The following NXPE2 variants were observed in gnomAD, a reference collection of about 807,000 sequenced individuals.
NXPE2 encodes the protein NXPE family member 2.
Under a neutral mutation model 34.4 loss-of-function variants are expected in NXPE2, and 34 were observed. The observed-to-expected ratio is 0.99, with a 90% CI of 0.75 to 1.31. The LOEUF (loss-of-function observed/expected upper bound fraction) is 1.31, where lower values mean the gene tolerates loss of function less well. Ranked by LOEUF, NXPE2 falls within the 40% of genes most tolerant of loss-of-function variation. NXPE2 has a pLI of 0.00. For missense variants in NXPE2, 649 were observed against 672.5 expected, an observed-to-expected ratio of 0.97 and a Z score of 0.39; for synonymous variants, 235 against 231.3, an observed-to-expected ratio of 1.02 and a Z score of -0.15.
the NXPE2 span, among the ~76,000 whole-genome samples, chr11:114,586,095 A>G: frequency 6.6e-6 from 1 of 152,160 alleles, no homozygotes; most frequent in Non-Finnish European, 1.5e-5. Flanking sequence ...GGGGTGACCA[A>G]TCTTTTTTGC....
the NXPE2 span, among the ~76,000 whole-genome samples, chr11:114,466,149 C>G: frequency 3.9e-5 from 6 of 152,056 alleles, no homozygotes; most frequent in African/African-American, 1.4e-4. Context: ...ATTTTTCTGA[C>G]AGTTATTGAA....
the NXPE2 span, among the ~76,000 whole-genome samples, chr11:114,793,499 AC>A: frequency 6.6e-6 from 1 of 152,074 alleles, no homozygotes; most frequent in South Asian, 2.1e-4. Flanking sequence ...ATGATAGAAA[AC>A]CCAGCGAGAG....
chr11:114,806,454 A>T, the NXPE2 span, among the ~76,000 whole-genome samples: 2 of 145,736 alleles, frequency 1.4e-5, no homozygotes, highest in Non-Finnish European at 3.0e-5. Context: ...TGAAAAAAAA[A>T]TTAGACAAAT....
At chr11:114,573,925 C>A in the NXPE2 span, among the ~76,000 whole-genome samples, 1 of 152,050 alleles carries the variant, frequency 6.6e-6, no homozygotes, top group East Asian at 1.9e-4. Context: ...TTTATCAGCA[C>A]ATGGAACATT....
the NXPE2 span, among the ~76,000 whole-genome samples, chr11:114,630,812 C>T: frequency 6.6e-6 from 1 of 151,702 alleles, no homozygotes; most frequent in Non-Finnish European, 1.5e-5. Context: ...ACAATGAACT[C>T]AAACAAATTT....
chr11:114,585,103 A>G, the NXPE2 span, among the ~76,000 whole-genome samples: 1 of 151,904 alleles, frequency 6.6e-6, no homozygotes, highest in Non-Finnish European at 1.5e-5. Flanking sequence ...AACATCAGCC[A>G]TTTTTAGATT....
chr11:114,563,971 G>T, the NXPE2 span, among the ~76,000 whole-genome samples: 1 of 152,074 alleles, frequency 6.6e-6, no homozygotes, highest in Non-Finnish European at 1.5e-5. Context: ...CAGAGGAAAA[G>T]AAGTCATTAT....
chr11:114,811,074 C>G, the NXPE2 span, among the ~76,000 whole-genome samples: 1 of 151,322 alleles, frequency 6.6e-6, no homozygotes, highest in Admixed American at 6.6e-5. Flanking sequence ...TCTCAGCAAA[C>G]TATCACAAGG....
At chr11:114,500,629 A>G in the NXPE2 span, among the ~76,000 whole-genome samples, 1 of 152,092 alleles carries the variant, frequency 6.6e-6, no homozygotes, top group Non-Finnish European at 1.5e-5. Context: ...GTTCATTTTT[A>G]TCACTTTTTC....
At chr11:114,582,965 CT>C in the NXPE2 span, 2 of 1,613,938 alleles carry the variant, frequency 1.2e-6, no homozygotes, top group Non-Finnish European at 1.7e-6. Flanking sequence ...GGAATAAGGA[CT>C]TTGTGGAGTT....
chr11:114,521,069 C>G, the NXPE2 span, among the ~76,000 whole-genome samples: 3 of 152,158 alleles, frequency 2.0e-5, no homozygotes, highest in Non-Finnish European at 4.4e-5. Context: ...TTAAATGGTG[C>G]TTTCCTAATT....
the NXPE2 span, among the ~76,000 whole-genome samples, chr11:114,765,434 C>G: frequency 6.6e-6 from 1 of 151,604 alleles, no homozygotes; most frequent in Admixed American, 6.6e-5. Flanking sequence ...AACTAAGATA[C>G]ATACATTTCT....
At chr11:114,805,384 C>T in the NXPE2 span, among the ~76,000 whole-genome samples, 1 of 152,136 alleles carries the variant, frequency 6.6e-6, no homozygotes, top group African/African-American at 2.4e-5. Context: ...CGAAGCAGGG[C>T]AAGGCATCGC....
At chr11:114,571,940 C>G in the NXPE2 span, among the ~76,000 whole-genome samples, 153 of 152,306 alleles carry the variant, frequency 1.0e-3, 2 homozygotes, top group East Asian at 0.028. Context: ...TGGAGGCCAA[C>G]GAACACAAAA....
chr11:114,564,904 T>G, the NXPE2 span, among the ~76,000 whole-genome samples: 1 of 152,218 alleles, frequency 6.6e-6, no homozygotes, highest in Non-Finnish European at 1.5e-5. Context: ...ATTTCTATAC[T>G]CTATAAAAGA....
chr11:114,778,563 G>C, the NXPE2 span, among the ~76,000 whole-genome samples: 1 of 152,176 alleles, frequency 6.6e-6, no homozygotes, highest in East Asian at 1.9e-4. Context: ...GTAGAGAAGA[G>C]GACAGATTTG....
the NXPE2 span, among the ~76,000 whole-genome samples, chr11:114,760,684 C>A: frequency 1.3e-5 from 2 of 152,140 alleles, no homozygotes; most frequent in African/African-American, 4.8e-5. Flanking sequence ...TTCCTCCTGT[C>A]CCTCATATGT....
At chr11:114,551,529 G>T in the NXPE2 span, 2 of 496,712 alleles carry the variant, frequency 4.0e-6, no homozygotes, top group Non-Finnish European at 5.4e-6. Flanking sequence ...ACAATGAGAA[G>T]CAGAAAACTT....
At chr11:114,694,748 C>T (rs1291665219) in intron 2 of NXPE2, among the ~76,000 whole-genome samples, 1 of 151,988 alleles carries the variant, frequency 6.6e-6, no homozygotes, top group Non-Finnish European at 1.5e-5. Context: ...GTTCTTTATT[C>T]TGATATAGTG....
Sources: allele counts gnomAD v4.1 joint callset (sites outside exome capture counted in the v4.1 genomes callset), GRCh38; gene constraint gnomAD v4.1.1; transcripts MANE v1.5; gene names NCBI Gene and HGNC (gene_info 2026-07-23, HGNC 2026-07-21).